The following ARAP2 variants were observed in gnomAD, a reference collection of about 807,000 sequenced individuals.
The protein encoded by ARAP2 is ArfGAP with RhoGAP domain, ankyrin repeat and PH domain 2, also known as arf-GAP with Rho-GAP domain, ANK repeat and PH domain-containing protein 2.
ARAP2 carries 148 observed loss-of-function variants against 194.5 expected under a neutral mutation model. The ratio of observed to expected loss-of-function variants is 0.76; its 90% CI spans 0.67 to 0.87. The LOEUF (loss-of-function observed/expected upper bound fraction) is 0.87. Ranked by LOEUF, ARAP2 falls within the 40% of genes least tolerant of loss-of-function variation. ARAP2 has a pLI of 0.00. For missense variants in ARAP2, 2,128 were observed against 1,989.7 expected, an observed-to-expected ratio of 1.07 and a Z score of -1.32; for synonymous variants, 695 against 683.5, an observed-to-expected ratio of 1.02 and a Z score of -0.26.
chr4:36,157,112 C>T (rs1354037956), intron 15 of ARAP2, among the ~76,000 whole-genome samples: 1 of 152,050 alleles, frequency 6.6e-6, no homozygotes. Context: ...TATTTTTAAA[C>T]TGCAGAATGC....
chr4:36,060,480 T>A (rs1724248141), intron 1 of ARAP2, among the ~76,000 whole-genome samples: 1 of 152,178 alleles, frequency 6.6e-6, no homozygotes, highest in Admixed American at 6.5e-5. Flanking sequence ...TTTGATGTGA[T>A]GCCAGAAAGT....
chr4:36,067,987 C>T lies in ARAP2; in HGVS notation c.5035G>A (p.Val1679Ile), dbSNP rs1000320450. 2 of 1,613,984 alleles carry T rather than the reference C, an allele frequency of 1.2e-6. No individual in the cohort carries two copies. The highest frequency in any genetic ancestry group is 2.7e-5 in the African/African-American group (2 of 74,912). The change falls in exon 33 of 33, where the codon GTA becomes ATA. Residue 1679 changes from valine to isoleucine, a missense_variant. Physicochemically the swap from Val to Ile is conservative, Grantham distance 29. Transcript: ENST00000303965. ...LDSDHKLPSR[V>I]IEELNVVLQR... is the part of the protein sequence containing the mutation. Reference sequence around the variant, plus strand: ...AGAACCACATTAAGTTCTTCAATTACCCTTGATGGTAACTTATGATCAGAG... The same window carrying T: ...AGAACCACATTAAGTTCTTCAATTATCCTTGATGGTAACTTATGATCAGAG...
Position 36,228,651 on chromosome 4 carries a change from G to T in ARAP2, c.836C>A (p.Ser279Tyr). Residue 279 changes from serine (S) to tyrosine (Y), a missense_variant, in exon 2 of 33, where the codon TCT becomes TAT. Physicochemically the swap from Ser to Tyr is moderately radical, Grantham distance 144. Transcript: ENST00000303965. ...RSRSKLVSRP[S>Y]RSFLLRHRPV... Reference sequence around the variant, plus strand: ...TCGATGTCTTAGCAGAAAAGATCGAGATGGTCTTGAAACCAACTTGCTACG... The same window carrying T: ...TCGATGTCTTAGCAGAAAAGATCGATATGGTCTTGAAACCAACTTGCTACG... 6.2e-7 allele frequency: 1 copy of T among 1,614,086 alleles called. No homozygotes were observed.
chr4:36,059,873 G>T (rs780233249), intron 1 of ARAP2, among the ~76,000 whole-genome samples: 2 of 152,148 alleles, frequency 1.3e-5, no homozygotes, highest in Admixed American at 6.5e-5. Flanking sequence ...TTCTGACCTT[G>T]CCAGGAGCAG....
chr4:36,242,394 A>C (rs2109390540), intron 1 of ARAP2, among the ~76,000 whole-genome samples: 1 of 152,302 alleles, frequency 6.6e-6, no homozygotes, highest in East Asian at 1.9e-4. Flanking sequence ...TATACTTAGC[A>C]TTTTTATAGT....
intron 27 of ARAP2, among the ~76,000 whole-genome samples, chr4:36,094,890 G>A (rs928339409): frequency 6.6e-6 from 1 of 152,272 alleles, no homozygotes; most frequent in African/African-American, 2.4e-5. Context: ...CACAGTTAAA[G>A]AGTGCTGTCA....
chr4:36,063,225 G>A (rs946015970), downstream of ARAP2, among the ~76,000 whole-genome samples: 20 of 152,052 alleles, frequency 1.3e-4, no homozygotes, highest in Admixed American at 5.9e-4. Context: ...AGCAAACACC[G>A]CATGTTCTCA....
chr4:36,192,775 T>A lies in ARAP2; in HGVS notation c.1557+803A>T, dbSNP rs72622795. Among the ~76,000 whole-genome samples the A allele has an allele frequency of 6.4e-4, 97 of 152,274 alleles. 3 individuals are homozygous for A. The East Asian group carries it at 0.015, about 23-fold the overall frequency. On this transcript the variant is annotated intron_variant, in intron 7 of 32. Transcript: ENST00000303965. ...CACTTTGGGAGGCCAAGGCGGCAGATCACTTGAGATCAGAAGTTTGAGACC... is the reference window on the plus strand; with the variant it reads ...CACTTTGGGAGGCCAAGGCGGCAGAACACTTGAGATCAGAAGTTTGAGACC...
chr4:36,117,486 T>C (rs2109522182), intron 24 of ARAP2, among the ~76,000 whole-genome samples: 2 of 151,852 alleles, frequency 1.3e-5, no homozygotes, highest in South Asian at 4.1e-4. Flanking sequence ...GCCATCAGCA[T>C]GTACGTTAAC....
intron 3 of ARAP2, chr4:36,047,160 G>GC (rs1308762398): frequency 6.6e-6 from 1 of 152,214 alleles, no homozygotes; most frequent in Non-Finnish European, 1.5e-5. Flanking sequence ...TGTGGCGTCT[G>GC]CCCACCAGAT....
chr4:36,020,422 T>TA (rs1716717292), intron 5 of ARAP2, among the ~76,000 whole-genome samples: 2 of 136,732 alleles, frequency 1.5e-5, no homozygotes, highest in South Asian at 4.5e-4. Context: ...CGCCCCCACC[T>TA]AAAAAAAGTA....
At chr4:36,234,466 C>T (rs968246113) in intron 1 of ARAP2, among the ~76,000 whole-genome samples, 4 of 152,094 alleles carry the variant, frequency 2.6e-5, no homozygotes, top group Non-Finnish European at 5.9e-5. Flanking sequence ...ACATACAAAT[C>T]GGGAGCGGGG....
Position 36,078,511 on chromosome 4 carries a change from C to T in ARAP2, c.4608+1705G>A, listed in dbSNP as rs909491040. ...CTTTTAACATATATATAAATATTTG[C>T]TATTTTGCTGTTTCCCTACAGAGAT... On this transcript the variant is annotated intron_variant, in intron 31 of 32. Transcript: ENST00000303965. Among the ~76,000 whole-genome samples the T allele has an allele frequency of 1.3e-3, 196 of 152,182 alleles. 2 individuals are homozygous for T. Among genetic ancestry groups the T allele is most frequent in the Non-Finnish European group, 2.2e-4 (15 of 67,996 alleles).
At chr4:36,081,739 T>G (rs1729603852) in intron 30 of ARAP2, among the ~76,000 whole-genome samples, 2 of 148,760 alleles carry the variant, frequency 1.3e-5, no homozygotes, top group Admixed American at 1.4e-4. Flanking sequence ...GGTAGAGAGG[T>G]GTAGGTGGAG....
At chr4:36,050,527 A>T (rs1722493607) in intron 3 of ARAP2, among the ~76,000 whole-genome samples, 1 of 152,210 alleles carries the variant, frequency 6.6e-6, no homozygotes. Flanking sequence ...TTCTCTTTTC[A>T]TTCTAATCTA....
intron 6 of ARAP2, among the ~76,000 whole-genome samples, chr4:36,197,339 AT>A (rs1743342909): frequency 2.6e-5 from 4 of 152,218 alleles, no homozygotes; most frequent in Admixed American, 2.6e-4. Flanking sequence ...GAATGAATGT[AT>A]TTTTCACTGA....
chr4:36,225,964 T>C (rs1467025124), intron 2 of ARAP2, among the ~76,000 whole-genome samples: 2 of 152,030 alleles, frequency 1.3e-5, no homozygotes, highest in African/African-American at 2.4e-5. Flanking sequence ...AGTTATATTA[T>C]AACACTTTAA....
At chr4:36,186,432 T>C (rs1385030988) in intron 8 of ARAP2, among the ~76,000 whole-genome samples, 2 of 152,150 alleles carry the variant, frequency 1.3e-5, no homozygotes, top group Admixed American at 6.5e-5. Flanking sequence ...ATAGATGATA[T>C]AGATGAAAAG....
chr4:36,207,815 T>C (rs1355726328), intron 6 of ARAP2, among the ~76,000 whole-genome samples: 1 of 152,154 alleles, frequency 6.6e-6, no homozygotes, highest in African/African-American at 2.4e-5. Flanking sequence ...ACCCTGTTAA[T>C]GTTTATCAGT....
Sources: gnomAD v4.1 joint callset for allele counts (sites outside exome capture counted in the v4.1 genomes callset) on GRCh38, gnomAD v4.1.1 for gene constraint, MANE v1.5 for transcripts, NCBI Gene and HGNC (gene_info 2026-07-23, HGNC 2026-07-21) for gene names.